The following GRIP2 variants were observed in gnomAD, a reference collection of about 807,000 sequenced individuals.
GRIP2 encodes the protein glutamate receptor-interacting protein 2.
GRIP2 carries 58 observed loss-of-function variants against 108.3 expected under a neutral mutation model. The observed-to-expected ratio is 0.54, with a 90% CI of 0.43 to 0.67. The LOEUF (loss-of-function observed/expected upper bound fraction) is 0.67. Among genes scored for constraint, GRIP2 ranks in the 30% least tolerant of loss-of-function variants. The pLI is 0.00. For synonymous variants in GRIP2, 586 were observed against 598.2 expected, an observed-to-expected ratio of 0.98 and a Z score of 0.30; for missense variants, 1,278 against 1,430.6, an observed-to-expected ratio of 0.89 and a Z score of 1.72.
intron 11 of GRIP2, among the ~76,000 whole-genome samples, chr3:14,514,940 T>C (rs1178233425): frequency 6.6e-6 from 1 of 152,208 alleles, no homozygotes; most frequent in Non-Finnish European, 1.5e-5. Context: ...CACGATGCAT[T>C]TGAGAACATT....
At chr3:14,581,646 G>A in the GRIP2 span, among the ~76,000 whole-genome samples, 1,155 of 152,212 alleles carry the variant, frequency 7.6e-3, 15 homozygotes, top group African/African-American at 0.026. Flanking sequence ...TGGAGAGCCT[G>A]CCCAAAGCAA....
chr3:14,529,952 T>C lies in GRIP2; in HGVS notation c.41-4021A>G, dbSNP rs528306276. Reference sequence around the variant, plus strand: ...GTATCATTACCCTGATATCAATGATTATGGGTATTTACAACACTCATTAGA... The same window carrying C: ...GTATCATTACCCTGATATCAATGATCATGGGTATTTACAACACTCATTAGA... On this transcript the variant is annotated intron_variant, in intron 1 of 23. Coordinates refer to ENST00000621039, the MANE Select transcript of GRIP2 (RefSeq NM_001080423.4). Among the ~76,000 whole-genome samples the C allele has an allele frequency of 3.0e-3, 460 of 152,324 alleles. 4 individuals carry two copies. The Middle Eastern group carries it at 0.031, about 10-fold the overall frequency.
chr3:14,546,825 GGGAGAT>G (rs1262760638), upstream of GRIP2, among the ~76,000 whole-genome samples: 5 of 152,218 alleles, frequency 3.3e-5, no homozygotes, highest in Non-Finnish European at 5.9e-5. Context: ...TGAAGATGTG[GGGAGAT>G]GGAGATGGAA....
upstream of GRIP2, chr3:14,542,085 A>G (rs1395048806): frequency 7.4e-7 from 1 of 1,343,344 alleles, no homozygotes. Flanking sequence ...GGCGCATGGC[A>G]CCCAGGCAGT....
intron 1 of GRIP2, among the ~76,000 whole-genome samples, chr3:14,535,325 C>T (rs958910784): frequency 2.0e-5 from 3 of 152,202 alleles, no homozygotes; most frequent in Non-Finnish European, 2.9e-5. Flanking sequence ...AGTCACTTCT[C>T]TCTGAGCCTC....
chr3:14,582,782 A>G, the GRIP2 span, among the ~76,000 whole-genome samples: 2 of 151,932 alleles, frequency 1.3e-5, no homozygotes, highest in African/African-American at 4.8e-5. Context: ...TGCTTCATTC[A>G]TTTTCACTCC....
chr3:14,600,368 C>T, the GRIP2 span, among the ~76,000 whole-genome samples: 3 of 152,170 alleles, frequency 2.0e-5, no homozygotes, highest in Non-Finnish European at 4.4e-5. Context: ...GCGAGGCTGC[C>T]CCTCCAACTT....
At chr3:14,572,813 TG>T in the GRIP2 span, 1 of 847,464 alleles carries the variant, frequency 1.2e-6, no homozygotes, top group Admixed American at 2.0e-5. Flanking sequence ...GGCTCTGGCC[TG>T]CTGGAGCGCA....
At chr3:14,532,240 T>C (rs1575022928) in intron 1 of GRIP2, among the ~76,000 whole-genome samples, 1 of 152,118 alleles carries the variant, frequency 6.6e-6, no homozygotes, top group African/African-American at 2.4e-5. Context: ...TCCCCGCAGG[T>C]GGCAGAGGCC....
At chr3:14,580,954 A>G in the GRIP2 span, among the ~76,000 whole-genome samples, 1 of 152,234 alleles carries the variant, frequency 6.6e-6, no homozygotes, top group Non-Finnish European at 1.5e-5. Flanking sequence ...AGGCTGCAAC[A>G]TAGAGACCCT....
the GRIP2 span, among the ~76,000 whole-genome samples, chr3:14,578,718 G>GAA: frequency 3.8e-5 from 5 of 130,020 alleles, no homozygotes; most frequent in African/African-American, 8.3e-5. Context: ...CTCCATCTCA[G>GAA]AAAAAAAAAA....
chr3:14,553,766 A>G (rs1028256826), intron 1 of GRIP2, among the ~76,000 whole-genome samples: 15 of 152,138 alleles, frequency 9.9e-5, no homozygotes, highest in African/African-American at 3.6e-4. Context: ...GACAGAAGAA[A>G]CACCTTGCCT....
At chr3:14,509,650 T>C (rs140260676) in intron 17 of GRIP2, among the ~76,000 whole-genome samples, 170 bp downstream of exon 17, 1 of 152,212 alleles carries the variant, frequency 6.6e-6, no homozygotes, top group Non-Finnish European at 1.5e-5. Context: ...TGACACTCAT[T>C]TTACAAATGC....
chr3:14,577,847 C>A, the GRIP2 span, among the ~76,000 whole-genome samples: 2 of 152,198 alleles, frequency 1.3e-5, no homozygotes, highest in African/African-American at 2.4e-5. Flanking sequence ...TGTCCCTCTG[C>A]CCTGATGTCA....
intron 4 of GRIP2, chr3:14,523,992 C>A: frequency 2.0e-6 from 1 of 499,746 alleles, no homozygotes; most frequent in East Asian, 3.4e-5. Flanking sequence ...GAATTCCAGA[C>A]AGTTACTCAA....
upstream of GRIP2, among the ~76,000 whole-genome samples, chr3:14,542,908 A>T (rs1217804548): frequency 6.6e-6 from 1 of 152,226 alleles, no homozygotes; most frequent in Non-Finnish European, 1.5e-5. Flanking sequence ...CACACTCAGG[A>T]GGCCTGGCAC....
chr3:14,516,893 G>GC (rs1694262708), intron 11 of GRIP2, among the ~76,000 whole-genome samples, 171 bp downstream of exon 11: 1 of 152,066 alleles, frequency 6.6e-6, no homozygotes, highest in Non-Finnish European at 1.5e-5. Flanking sequence ...TGCACAACCT[G>GC]CCCAACCATC....
In GRIP2 at chr3:14,512,759, C is replaced by A. The variant is rs2124891524; in HGVS notation, c.1720+18G>T. On this transcript the variant is annotated intron_variant, in intron 14 of 23. Transcript: ENST00000621039. The surrounding 1 kb of genome is among the most constrained non-coding windows in gnomAD (Gnocchi z 5.1). ...TGAGCTCGCTCCCAGGGGCAAACAGCAGCGGGAGGAGACTCACAGCTGATG... is the reference window on the plus strand; with the variant it reads ...TGAGCTCGCTCCCAGGGGCAAACAGAAGCGGGAGGAGACTCACAGCTGATG... The A allele has an allele frequency of 6.2e-7, 1 of 1,609,456 alleles. No homozygotes were observed. Among genetic ancestry groups the A allele is most frequent in the Middle Eastern group, 1.7e-4 (1 of 5,742 alleles).
the GRIP2 span, chr3:14,572,873 G>C: frequency 1.3e-5 from 16 of 1,217,586 alleles, no homozygotes; most frequent in Non-Finnish European, 1.9e-5. Context: ...CATCCAGTTC[G>C]TACTTCTCGC....
Sources: gnomAD v4.1 joint callset for allele counts (sites outside exome capture counted in the v4.1 genomes callset) on GRCh38, gnomAD v4.1.1 for gene constraint, Gnocchi (gnomAD v3.1) non-coding constraint, MANE v1.5 for transcripts, NCBI Gene and HGNC (gene_info 2026-07-23, HGNC 2026-07-21) for gene names.